The following HS3ST4 variants were observed in gnomAD, a reference collection of about 807,000 sequenced individuals.
HS3ST4 encodes the protein heparan sulfate-glucosamine 3-sulfotransferase 4, also known as heparan sulfate glucosamine 3-O-sulfotransferase 4.
Under a neutral mutation model 29.2 loss-of-function variants are expected in HS3ST4, and 17 were observed. That is an observed-to-expected ratio of 0.58 (90% confidence interval 0.40 to 0.87). The LOEUF (loss-of-function observed/expected upper bound fraction) is 0.87, where lower values mean the gene tolerates loss of function less well. Ranked by LOEUF, HS3ST4 falls within the 40% of genes least tolerant of loss-of-function variation. The pLI, the probability that HS3ST4 is intolerant of heterozygous loss-of-function variation, is 0.00. For missense variants in HS3ST4, 627 were observed against 634.5 expected, an observed-to-expected ratio of 0.99 and a Z score of 0.13; for synonymous variants, 314 against 285.7, an observed-to-expected ratio of 1.10 and a Z score of -1.00.
At chr16:26,129,565 G>A (rs1426510027) in intron 1 of HS3ST4, among the ~76,000 whole-genome samples, 1 of 152,204 alleles carries the variant, frequency 6.6e-6, no homozygotes, top group Non-Finnish European at 1.5e-5. Context: ...CTCTATGAGA[G>A]TCACTCTTCA....
chr16:26,022,264 C>A (rs117590191), intron 1 of HS3ST4, among the ~76,000 whole-genome samples: 1 of 152,116 alleles, frequency 6.6e-6, no homozygotes, highest in Non-Finnish European at 1.5e-5. Flanking sequence ...CCATGGCAAC[C>A]AGCTAAGTTC....
Position 25,764,327 on chromosome 16 carries a change from A to T in HS3ST4, c.734+71176A>T, listed in dbSNP as rs1290217951. On this transcript the variant is annotated intron_variant, in intron 1 of 1. Coordinates refer to ENST00000331351, the MANE Select transcript of HS3ST4 (RefSeq NM_006040.3). The stretch of plus-strand genomic sequence containing the variant: ...CACCTACTCTAGGGCAGACACATTT[A>T]TCAATGTCTTTTAATTTAGCATTCA... Among the ~76,000 whole-genome samples the T allele has an allele frequency of 2.6e-5, 4 of 152,202 alleles. No individual in the cohort carries two copies. The East Asian group carries it at 7.7e-4, about 29-fold the overall frequency.
intron 1 of HS3ST4, among the ~76,000 whole-genome samples, chr16:25,825,199 C>T (rs1041889632): frequency 6.6e-6 from 1 of 152,202 alleles, no homozygotes; most frequent in East Asian, 1.9e-4. Context: ...TTTCAGCAAC[C>T]ACCGGAAGTT....
intron 1 of HS3ST4, among the ~76,000 whole-genome samples, chr16:26,090,308 G>A (rs1323914822): frequency 1.4e-5 from 2 of 146,364 alleles, no homozygotes; most frequent in South Asian, 4.5e-4. Flanking sequence ...AAATCTCTCT[G>A]CATTGGGATG....
intron 1 of HS3ST4, among the ~76,000 whole-genome samples, chr16:26,121,523 A>G (rs959802305): frequency 1.3e-5 from 2 of 152,198 alleles, no homozygotes; most frequent in African/African-American, 2.4e-5. Context: ...GTGACAGAAT[A>G]AGACTCAGCG....
chr16:25,782,442 G>A (rs1007788809), intron 1 of HS3ST4, among the ~76,000 whole-genome samples: 9 of 152,154 alleles, frequency 5.9e-5, no homozygotes, highest in Non-Finnish European at 1.3e-4. Flanking sequence ...TTTTCTGTGT[G>A]TTTCACGACA....
chr16:25,944,904 A>C (rs971902805), intron 1 of HS3ST4, among the ~76,000 whole-genome samples: 1 of 152,252 alleles, frequency 6.6e-6, no homozygotes, highest in Non-Finnish European at 1.5e-5. Context: ...ATTTCACTCA[A>C]CTGAGTTCCT....
At chr16:25,879,609 T>C (rs1967872608) in intron 1 of HS3ST4, among the ~76,000 whole-genome samples, 1 of 151,758 alleles carries the variant, frequency 6.6e-6, no homozygotes, top group African/African-American at 2.4e-5. Flanking sequence ...TCCCACAACA[T>C]GTGGGAATTA....
intron 1 of HS3ST4, among the ~76,000 whole-genome samples, chr16:25,982,012 G>A (rs181071111): frequency 1.1e-3 from 168 of 147,894 alleles, no homozygotes; most frequent in African/African-American, 3.9e-3. Context: ...CAGCATGTGT[G>A]TGTATATTCA....
At chr16:26,072,496 T>G (rs7198805) in intron 1 of HS3ST4, among the ~76,000 whole-genome samples, 32,446 of 152,024 alleles carry the variant, frequency 0.21, 3,642 homozygotes, top group South Asian at 0.25. Context: ...GTCTTAGAAA[T>G]TTAAGATGGT....
At chr16:25,818,013 T>A (rs1011472683) in intron 1 of HS3ST4, among the ~76,000 whole-genome samples, 1 of 152,230 alleles carries the variant, frequency 6.6e-6, no homozygotes, top group African/African-American at 2.4e-5. Context: ...TTGACACCAC[T>A]GTCTCGCGGC....
At chr16:25,917,873 CT>C (rs1402737026) in intron 1 of HS3ST4, among the ~76,000 whole-genome samples, 5 of 152,102 alleles carry the variant, frequency 3.3e-5, no homozygotes, top group Non-Finnish European at 5.9e-5. Context: ...CTTCAGACGC[CT>C]TTCAAAAAAA....
At chr16:25,736,771 A>C (rs35454800) in intron 1 of HS3ST4, among the ~76,000 whole-genome samples, 1 of 151,952 alleles carries the variant, frequency 6.6e-6, no homozygotes, top group Non-Finnish European at 1.5e-5. Context: ...TGTTCCATCA[A>C]ATCTCTTGCA....
intron 1 of HS3ST4, among the ~76,000 whole-genome samples, chr16:26,020,520 A>C (rs1261518335): frequency 6.6e-6 from 1 of 152,212 alleles, no homozygotes; most frequent in Non-Finnish European, 1.5e-5. Flanking sequence ...TAAGAACTTG[A>C]ACCTGCATCA....
intron 1 of HS3ST4, among the ~76,000 whole-genome samples, chr16:25,729,237 C>T (rs1298441977): frequency 6.6e-6 from 1 of 152,082 alleles, no homozygotes; most frequent in Non-Finnish European, 1.5e-5. Context: ...CTGGGTTCTT[C>T]CTGAAAAAGA....
intron 1 of HS3ST4, among the ~76,000 whole-genome samples, chr16:25,903,938 A>C (rs1968148954): frequency 6.6e-6 from 1 of 152,216 alleles, no homozygotes; most frequent in Non-Finnish European, 1.5e-5. Flanking sequence ...GTTCACCTAA[A>C]ATGTACTACA....
chr16:26,073,537 T>G (rs757975445), intron 1 of HS3ST4, among the ~76,000 whole-genome samples: 2 of 152,102 alleles, frequency 1.3e-5, no homozygotes, highest in Non-Finnish European at 2.9e-5. Flanking sequence ...CATGCGTGGC[T>G]AATTTTTTGT....
chr16:25,928,311 G>A (rs1180068472), intron 1 of HS3ST4, among the ~76,000 whole-genome samples: 2 of 152,096 alleles, frequency 1.3e-5, no homozygotes, highest in Non-Finnish European at 2.9e-5. Flanking sequence ...GCTACAGTGA[G>A]CTATGATTGC....
chr16:26,134,110 C>G (rs1898246577), intron 1 of HS3ST4, among the ~76,000 whole-genome samples: 3 of 151,980 alleles, frequency 2.0e-5, no homozygotes, highest in Admixed American at 1.3e-4. Context: ...TCTTGGAGCT[C>G]CCAAATAAGA....
Sources: gnomAD v4.1 joint callset for allele counts (sites outside exome capture counted in the v4.1 genomes callset) on GRCh38, gnomAD v4.1.1 for gene constraint, MANE v1.5 for transcripts, NCBI Gene and HGNC (gene_info 2026-07-23, HGNC 2026-07-21) for gene names.